Variants in DAAM2 observed in about 807,000 individuals in gnomAD.
DAAM2 encodes the protein dishevelled associated activator of morphogenesis 2, also known as disheveled-associated activator of morphogenesis 2.
Under a neutral mutation model 120.7 loss-of-function variants are expected in DAAM2, and 39 were observed. The ratio of observed to expected loss-of-function variants is 0.32; its 90% CI spans 0.25 to 0.42. The LOEUF (loss-of-function observed/expected upper bound fraction) is 0.42. DAAM2 is among the 10% of genes least tolerant of loss of function. The pLI, the probability that DAAM2 is intolerant of heterozygous loss-of-function variation, is 1.00. For missense variants in DAAM2, 1,283 were observed against 1,401.7 expected, an observed-to-expected ratio of 0.92 and a Z score of 1.35; for synonymous variants, 488 against 524.9, an observed-to-expected ratio of 0.93 and a Z score of 0.96.
chr6:39,860,991 T>C lies in DAAM2; in HGVS notation c.232T>C (p.Trp78Arg). The part of the protein sequence containing the change: ...AMFALPPEKK[W>R]QIYCSKKKEQ... ...GTTTGCACTGCCCCCTGAGAAGAAA[T>C]GGCAGATCTACTGCAGCAAGAAGAA... The change falls in exon 3 of 25, where the codon TGG becomes CGG. Residue 78 changes from tryptophan to arginine, a missense_variant. Transcript: ENST00000274867. 4.3e-6 allele frequency: 7 copies of C among 1,612,470 alleles called. No homozygotes were observed. Among genetic ancestry groups the C allele is most frequent in the Non-Finnish European group, 5.9e-6 (7 of 1,179,358 alleles).
Position 39,904,189 on chromosome 6 carries a change from T to C in DAAM2, c.*2152T>C. ...AAGCTGTTCAAGATACATTTGATCT[T>C]CAGAAAAGCAGAATTTGGTTCAACT... On this transcript the variant is annotated 3_prime_UTR_variant, in exon 25 of 25. Transcript: ENST00000274867. 1 of 456,690 alleles carries C rather than the reference T, an allele frequency of 2.2e-6. No individual in the cohort carries two copies. Among genetic ancestry groups the C allele is most frequent in the South Asian group, 1.5e-5 (1 of 64,538 alleles). The allele number at this position is 456,690 out of a possible 1,614,324, so 28.3% of individuals were successfully genotyped here.
rs1034058991 is a variant in DAAM2 at position 39,900,304 on chromosome 6, C to A, written c.2811+96C>A. 8 of 1,416,084 alleles carry A rather than the reference C, an allele frequency of 5.6e-6. No homozygotes were observed. The African/African-American group carries it at 1.1e-4, about 20-fold the overall frequency. 87.7% of individuals were successfully genotyped at this position (1,416,084 alleles called of 1,614,324 possible). ...CCACAGACAGCCCAGGAGGGACAAA[C>A]CCAGAGTTACAGAGCTTTGAGAGAA... is the stretch of plus-strand genomic sequence containing the variant. On this transcript the variant is annotated intron_variant, in intron 23 of 24. Coordinates refer to ENST00000274867, the MANE Select transcript of DAAM2 (RefSeq NM_001201427.2).
At position 39,878,642 on chromosome 6, in the gene DAAM2, A is replaced by T; in HGVS notation, c.1545+54A>T. ...TTGAGCCAAGACCCTGGGCTTCAGG[A>T]CTGGGTGGGCAGAGCAGGTGTCGGA... On this transcript the variant is annotated intron_variant, in intron 13 of 24. Coordinates refer to ENST00000274867, the MANE Select transcript of DAAM2 (RefSeq NM_001201427.2). The surrounding 1 kb of genome is among the most constrained non-coding windows in gnomAD (Gnocchi z 5.0). 5.2e-6 allele frequency: 8 copies of T among 1,530,058 alleles called. No homozygotes were observed. The highest frequency in any genetic ancestry group is 7.1e-6 in the Non-Finnish European group (8 of 1,132,972). 94.8% of individuals were successfully genotyped at this position (1,530,058 alleles called of 1,614,324 possible). A position where few individuals can be genotyped will look rare whatever the true frequency, so the allele number is the denominator to read the frequency against.
chr6:39,805,164 G>C (rs1241723104), intron 1 of DAAM2, among the ~76,000 whole-genome samples: 1 of 152,186 alleles, frequency 6.6e-6, no homozygotes. Flanking sequence ...GCATCTAAGG[G>C]CTTGTGTGCT....
chr6:39,867,412 C>G (rs1160097635), intron 5 of DAAM2, 98 bp from the exon 6 acceptor site: 6 of 1,161,654 alleles, frequency 5.2e-6, no homozygotes, highest in Non-Finnish European at 7.5e-6. Context: ...GTAGGTGGGA[C>G]AAGGTGCATG....
At chr6:39,898,964 G>A (rs201665507) in intron 22 of DAAM2, 27 bp downstream of exon 22, 8 of 1,587,200 alleles carry the variant, frequency 5.0e-6, no homozygotes, top group African/African-American at 1.3e-5. Context: ...TGCCTACCTG[G>A]GTGAGGGCTG....
chr6:39,901,560 C>T lies in DAAM2; in HGVS notation c.2982+88C>T. On this transcript the variant is annotated intron_variant, in intron 24 of 24. Transcript: ENST00000274867. The surrounding 1 kb of genome is among the most constrained non-coding windows in gnomAD (Gnocchi z 4.5). ...CAAACTGGGGTGTGTGGGAGGAGGG[C>T]AGAGACTGAGGAACTGAGGAACACC... is the stretch of plus-strand genomic sequence containing the variant. 1 of 1,425,836 alleles carries T rather than the reference C, an allele frequency of 7.0e-7. No homozygotes were observed. Among genetic ancestry groups the T allele is most frequent in the Admixed American group, 2.1e-5 (1 of 47,724 alleles). 88.3% of individuals were successfully genotyped at this position (1,425,836 alleles called of 1,614,324 possible).
At chr6:39,833,277 T>A (rs1414750684) in intron 1 of DAAM2, among the ~76,000 whole-genome samples, 1 of 152,122 alleles carries the variant, frequency 6.6e-6, no homozygotes, top group Non-Finnish European at 1.5e-5. Context: ...TTTCTTTTCC[T>A]TTTCTTCTGC....
chr6:39,855,717 G>A (rs1396554391), intron 1 of DAAM2, among the ~76,000 whole-genome samples: 1 of 152,142 alleles, frequency 6.6e-6, no homozygotes, highest in East Asian at 1.9e-4. Context: ...CTGCTCTGGA[G>A]ACCCAGGCTG....
chr6:39,879,484 A>G lies in DAAM2; in HGVS notation c.1845+7A>G. 1 of 1,614,032 alleles carries G rather than the reference A, an allele frequency of 6.2e-7. No homozygotes were observed. The highest frequency in any genetic ancestry group is 2.2e-5 in the East Asian group (1 of 44,870). On this transcript the variant is annotated splice_region_variant and intron_variant, in intron 14 of 24. Transcript: ENST00000274867. ...CTGGGTGAAGCTGAATGAGGTGAGC[A>G]TCTGGGAAGGGGCTGGAGGGCCCAT...
intron 1 of DAAM2, among the ~76,000 whole-genome samples, chr6:39,797,839 A>G (rs1424601526): frequency 6.6e-6 from 1 of 152,248 alleles, no homozygotes; most frequent in Non-Finnish European, 1.5e-5. Context: ...GCTACAAGGT[A>G]AGTGCTCAAT....
chr6:39,879,550 C>G (rs751386947), intron 14 of DAAM2, 73 bp downstream of exon 14: 1 of 1,592,032 alleles, frequency 6.3e-7, no homozygotes, highest in Non-Finnish European at 8.6e-7. Flanking sequence ...ACCACCCGCC[C>G]CTTGTTTACA....
Position 39,806,359 on chromosome 6 carries a change from C to T in DAAM2, c.-57+13894C>T, listed in dbSNP as rs1582597013. On this transcript the variant is annotated intron_variant, in intron 1 of 24. Transcript: ENST00000274867. ...TATGGTCAATACGTGGTGCTTCTTG[C>T]AGTAGGAAGATGGACAAATGGTTCC... Among the ~76,000 whole-genome samples, 3 of 152,164 alleles carry T rather than the reference C, an allele frequency of 2.0e-5. 1 individual carries two copies. In the South Asian group the frequency reaches 6.2e-4, roughly 32 times the overall value.
intron 1 of DAAM2, among the ~76,000 whole-genome samples, chr6:39,805,723 T>G (rs561797489): frequency 6.6e-6 from 1 of 151,926 alleles, no homozygotes; most frequent in South Asian, 2.1e-4. Context: ...CCCGGCTAAT[T>G]TTTTGTATTT....
At chr6:39,812,565 C>T (rs541951003) in intron 1 of DAAM2, among the ~76,000 whole-genome samples, 40 of 152,244 alleles carry the variant, frequency 2.6e-4, no homozygotes, top group Admixed American at 1.0e-3. Flanking sequence ...TCTCTAGCCT[C>T]CACAAACACT....
chr6:39,901,874 G>C lies in DAAM2; in HGVS notation c.3044G>C (p.Ser1015Thr). 5 of 1,593,966 alleles carry C rather than the reference G, an allele frequency of 3.1e-6. No homozygotes were observed. Among genetic ancestry groups the C allele is most frequent in the Non-Finnish European group, 4.3e-6 (5 of 1,166,918 alleles). The stretch of plus-strand genomic sequence containing the variant: ...CAGCGGAAGGTCCTGGCTGCAGGCA[G>C]CTCGCTGGAGGAGGGAGGAGAGTTC... ...QRQRKVLAAG[S>T]SLEEGGEFDD... Residue 1015 changes from serine to threonine, a missense_variant, in exon 25 of 25, where the codon AGC (serine) becomes ACC (threonine). Transcript: ENST00000274867. The surrounding 1 kb of genome is among the most constrained non-coding windows in gnomAD (Gnocchi z 4.5).
At chr6:39,802,541 G>T (rs1295407776) in intron 1 of DAAM2, among the ~76,000 whole-genome samples, 1 of 152,148 alleles carries the variant, frequency 6.6e-6, no homozygotes, top group Non-Finnish European at 1.5e-5. Flanking sequence ...GGTGGTGGTG[G>T]TGGTGAAGAT....
chr6:39,828,763 A>G (rs905576095), intron 1 of DAAM2, among the ~76,000 whole-genome samples: 7 of 151,808 alleles, frequency 4.6e-5, no homozygotes, highest in African/African-American at 1.7e-4. Flanking sequence ...GGGTTTCACC[A>G]TGTTGGCCTG....
rs370276555 is a variant in DAAM2 at position 39,878,386 on chromosome 6, G to C, written c.1361-18G>C. The C allele has an allele frequency of 1.2e-6, 2 of 1,610,164 alleles. No individual in the cohort carries two copies. Among genetic ancestry groups the C allele is most frequent in the East Asian group, 2.2e-5 (1 of 44,756 alleles). ...ATTCTCTCCTTCTGTTTCCTCTCCC[G>C]TCCCACCCCCATTCCAGAACACATG... is the stretch of plus-strand genomic sequence containing the variant. On this transcript the variant is annotated intron_variant, in intron 12 of 24. Coordinates refer to ENST00000274867, the MANE Select transcript of DAAM2 (RefSeq NM_001201427.2). The surrounding 1 kb of genome is among the most constrained non-coding windows in gnomAD (Gnocchi z 5.0).
Sources: allele counts gnomAD v4.1 joint callset (sites outside exome capture counted in the v4.1 genomes callset), GRCh38; gene constraint gnomAD v4.1.1; non-coding constraint Gnocchi (gnomAD v3.1); transcripts MANE v1.5; gene names NCBI Gene and HGNC (gene_info 2026-07-23, HGNC 2026-07-21).